Variants in DLGAP2 observed in about 807,000 individuals in gnomAD.
DLGAP2 encodes disks large-associated protein 2.
In DLGAP2, 26 loss-of-function variants were observed where a neutral mutation model predicts 100.3. That is an observed-to-expected ratio of 0.26 (90% confidence interval 0.19 to 0.36). The LOEUF (loss-of-function observed/expected upper bound fraction) is 0.36, where lower values mean the gene tolerates loss of function less well. Among genes scored for constraint, DLGAP2 ranks in the 10% least tolerant of loss-of-function variants. The probability of loss-of-function intolerance (pLI) is 1.00; values close to 1 mark genes in which losing one functional copy is unlikely to be tolerated. For synonymous variants in DLGAP2, 886 were observed against 630.1 expected, an observed-to-expected ratio of 1.41 and a Z score of -6.08; for missense variants, 1,858 against 1,453.2, an observed-to-expected ratio of 1.28 and a Z score of -4.53.
At chr8:1,384,653 G>C (rs77926450) in intron 3 of DLGAP2, among the ~76,000 whole-genome samples, 575 of 37,524 alleles carry the variant, frequency 0.015, 41 homozygotes, top group East Asian at 0.028. Context: ...CTGAGAACTT[G>C]ATGCACAGTT....
At chr8:1,043,038 T>C (rs1244749157) in intron 2 of DLGAP2, among the ~76,000 whole-genome samples, 1 of 132,906 alleles carries the variant, frequency 7.5e-6, no homozygotes, top group Non-Finnish European at 1.6e-5. Flanking sequence ...TGGATGTGGG[T>C]GGTGGATGTG....
At chr8:1,455,037 G>T (rs561869906) in intron 3 of DLGAP2, among the ~76,000 whole-genome samples, 26 of 151,864 alleles carry the variant, frequency 1.7e-4, no homozygotes, top group Admixed American at 7.2e-4. Context: ...GGTCTGGGGA[G>T]GGGGGGATAC....
intron 2 of DLGAP2, among the ~76,000 whole-genome samples, chr8:1,192,927 GT>G (rs1563244027): frequency 6.6e-6 from 1 of 151,912 alleles, no homozygotes; most frequent in African/African-American, 2.4e-5. Context: ...GCGGTGTTTG[GT>G]TTTTTGTCCT....
chr8:1,676,543 C>T lies in DLGAP2; in HGVS notation c.2213C>T (p.Ala738Val), dbSNP rs1188525199. ...QPYPRSDVETATDSDTESRGL... is the reference protein window; with the variant it reads ...QPYPRSDVETVTDSDTESRGL... ...TCTCTGTTGAATTAGGTGGAAACGG[C>T]CACAGATTCTGACACGGAGAGCCGC... is the stretch of plus-strand genomic sequence containing the variant. Residue 738 changes from alanine to valine, a missense_variant, in exon 11 of 15, where the codon GCC (alanine) becomes GTC (valine). Coordinates refer to ENST00000637795, the MANE Select transcript of DLGAP2 (RefSeq NM_001346810.2). 1 of 1,613,204 alleles carries T rather than the reference C, an allele frequency of 6.2e-7. No individual in the cohort carries two copies. Among genetic ancestry groups the T allele is most frequent in the Non-Finnish European group, 8.5e-7 (1 of 1,179,596 alleles).
At chr8:1,464,056 T>A (rs534640850) in intron 3 of DLGAP2, among the ~76,000 whole-genome samples, 175 of 151,852 alleles carry the variant, frequency 1.2e-3, no homozygotes, top group Middle Eastern at 3.4e-3. Flanking sequence ...ATTCACTGAA[T>A]GTCGCAACAG....
chr8:1,158,657 G>A (rs965802005), intron 2 of DLGAP2, among the ~76,000 whole-genome samples: 2 of 152,220 alleles, frequency 1.3e-5, no homozygotes, highest in African/African-American at 4.8e-5. Flanking sequence ...GCAGACGGCC[G>A]TTGCACTCTG....
chr8:1,220,981 C>T (rs1715143020), intron 2 of DLGAP2, among the ~76,000 whole-genome samples: 1 of 152,162 alleles, frequency 6.6e-6, no homozygotes, highest in South Asian at 2.1e-4. Flanking sequence ...TTACTTTGAG[C>T]CTATGGGTGT....
chr8:1,520,084 G>A (rs1584980150), intron 4 of DLGAP2, among the ~76,000 whole-genome samples: 1 of 152,222 alleles, frequency 6.6e-6, no homozygotes, highest in Admixed American at 6.5e-5. Flanking sequence ...CCCCTGGAGT[G>A]CTGGGCACGC....
At chr8:1,071,201 C>G (rs1450762346) in intron 2 of DLGAP2, among the ~76,000 whole-genome samples, 1 of 152,204 alleles carries the variant, frequency 6.6e-6, no homozygotes, top group Admixed American at 6.5e-5. Context: ...CCAGTTTTAG[C>G]TTTTGTGTGA....
chr8:1,191,743 A>G (rs1797644568), intron 2 of DLGAP2, among the ~76,000 whole-genome samples: 2 of 152,246 alleles, frequency 1.3e-5, no homozygotes, highest in South Asian at 4.1e-4. Flanking sequence ...TTACCCTCCT[A>G]TTTTTATGTA....
At position 1,234,298 on chromosome 8, in the gene DLGAP2, C is replaced by A. The variant is rs187740740; in HGVS notation, c.74-24553C>A. ...GCTCTGGAGGCCACGGGTCTGAAATCAGGGTGTCTGCAGGCTGCTTTCTTC... is the reference window on the plus strand; with the variant it reads ...GCTCTGGAGGCCACGGGTCTGAAATAAGGGTGTCTGCAGGCTGCTTTCTTC... On this transcript the variant is annotated intron_variant, in intron 2 of 14. Transcript: ENST00000637795. 3.6e-3 allele frequency among the ~76,000 whole-genome samples: 543 copies of A among 152,256 alleles called. 3 individuals are homozygous for A. Among genetic ancestry groups the A allele is most frequent in the Non-Finnish European group, 6.3e-3 (431 of 68,034 alleles).
intron 5 of DLGAP2, among the ~76,000 whole-genome samples, chr8:1,556,451 C>A (rs1444996872): frequency 6.6e-6 from 1 of 151,884 alleles, no homozygotes; most frequent in Non-Finnish European, 1.5e-5. Flanking sequence ...GGGTGTGCAG[C>A]TGGGCGGAGT....
At chr8:1,140,395 C>T (rs1332340230) in intron 2 of DLGAP2, among the ~76,000 whole-genome samples, 3 of 152,150 alleles carry the variant, frequency 2.0e-5, no homozygotes, top group Non-Finnish European at 4.4e-5. Context: ...TCCTCCATGC[C>T]TCATGCCCTA....
intron 3 of DLGAP2, among the ~76,000 whole-genome samples, chr8:1,440,291 T>G (rs935302066): frequency 6.6e-6 from 1 of 152,228 alleles, no homozygotes; most frequent in African/African-American, 2.4e-5. Context: ...TTCAGGGTGT[T>G]ACAGTTTATT....
rs118077674 is a variant in DLGAP2, at chr8:1,012,124, C to G, written c.73+104158C>G. Among the ~76,000 whole-genome samples the G allele has an allele frequency of 1.3e-3, 193 of 152,310 alleles. 1 individual carries two copies. The highest frequency in any genetic ancestry group is 2.1e-3 in the Non-Finnish European group (140 of 68,024). ...TCTGTTCCCCACTTGCAGACTCAGC[C>G]AGGTGCAGCGGTATCCCCTTGCTAG... On this transcript the variant is annotated intron_variant, in intron 2 of 14. Coordinates refer to ENST00000637795, the MANE Select transcript of DLGAP2 (RefSeq NM_001346810.2).
chr8:783,403 T>C (rs759361893), intron 1 of DLGAP2, among the ~76,000 whole-genome samples: 23 of 152,212 alleles, frequency 1.5e-4, no homozygotes, highest in South Asian at 4.1e-4. Context: ...TCTCATGATA[T>C]TACATACACG....
rs189036294 is a variant in DLGAP2 at position 1,660,538 on chromosome 8, G to A, written c.1811-7791G>A. Among the ~76,000 whole-genome samples the A allele has an allele frequency of 1.3e-3, 197 of 152,252 alleles. 1 individual carries two copies. The highest frequency in any genetic ancestry group is 4.3e-3 in the African/African-American group (178 of 41,546). On this transcript the variant is annotated intron_variant, in intron 8 of 14. Coordinates refer to ENST00000637795, the MANE Select transcript of DLGAP2 (RefSeq NM_001346810.2). ...CCTCTGTACTCACATGTAAAAATGC[G>A]TCTGGTATCTGCATACCTGGAAGTT...
intron 3 of DLGAP2, among the ~76,000 whole-genome samples, chr8:1,340,726 G>T (rs764429559): frequency 6.6e-6 from 1 of 152,112 alleles, no homozygotes; most frequent in African/African-American, 2.4e-5. Context: ...GCCATTAGTG[G>T]GTATAGACCC....
At chr8:1,040,576 T>G (rs1220943021) in intron 2 of DLGAP2, among the ~76,000 whole-genome samples, 3 of 115,306 alleles carry the variant, frequency 2.6e-5, no homozygotes, top group South Asian at 3.1e-4. Flanking sequence ...TCGGCTCGGT[T>G]TCCGTGGTCG....
Sources: gnomAD v4.1 joint callset for allele counts (sites outside exome capture counted in the v4.1 genomes callset) on GRCh38, gnomAD v4.1.1 for gene constraint, MANE v1.5 for transcripts, NCBI Gene and HGNC (gene_info 2026-07-23, HGNC 2026-07-21) for gene names.